Variants in SLC36A1 observed in about 807,000 individuals in gnomAD.
SLC36A1 encodes solute carrier family 36 member 1.
SLC36A1 carries 30 observed loss-of-function variants against 47.5 expected under a neutral mutation model. The observed-to-expected ratio is 0.63, with a 90% CI of 0.47 to 0.86. The LOEUF is 0.86. Among genes scored for constraint, SLC36A1 ranks in the 40% least tolerant of loss-of-function variants. The pLI is 0.00. For missense variants in SLC36A1, 517 were observed against 606.0 expected (o/e 0.85, Z 1.54); for synonymous variants, 255 against 249.7 (o/e 1.02, Z -0.20).
the SLC36A1 span, among the ~76,000 whole-genome samples, chr5:151,382,936 A>G: frequency 6.6e-6 from 1 of 152,152 alleles, no homozygotes; most frequent in African/African-American, 2.4e-5. Context: ...GCTGCCTCTA[A>G]AACTAGGAAT....
the SLC36A1 span, among the ~76,000 whole-genome samples, chr5:151,349,024 T>C: frequency 6.6e-6 from 1 of 152,202 alleles, no homozygotes; most frequent in African/African-American, 2.4e-5. Context: ...ATGGCAGTAT[T>C]ACTGGTCTGT....
the SLC36A1 span, among the ~76,000 whole-genome samples, chr5:151,515,006 C>T: frequency 6.6e-6 from 1 of 152,154 alleles, no homozygotes; most frequent in Non-Finnish European, 1.5e-5. Context: ...GTTGTCTTCA[C>T]CTCAGTTTTC....
upstream of SLC36A1, among the ~76,000 whole-genome samples, chr5:151,446,722 A>G (rs1321057193): frequency 6.6e-6 from 1 of 152,202 alleles, no homozygotes; most frequent in East Asian, 1.9e-4. Context: ...CAAGTGTGTT[A>G]GAGAAAAAAT....
At chr5:151,363,553 C>A in the SLC36A1 span, among the ~76,000 whole-genome samples, 1 of 152,220 alleles carries the variant, frequency 6.6e-6, no homozygotes, top group South Asian at 2.1e-4. Context: ...TGCTTCAACA[C>A]CACCATTTTG....
chr5:151,544,976 C>T, the SLC36A1 span: 3 of 1,614,122 alleles, frequency 1.9e-6, no homozygotes, highest in South Asian at 2.2e-5. Flanking sequence ...CCCTGAGCCA[C>T]CCGCTGAGGT....
At chr5:151,445,410 T>G (rs957292877), upstream of SLC36A1, among the ~76,000 whole-genome samples, 1 of 152,240 alleles carries the variant, frequency 6.6e-6, no homozygotes, top group African/African-American at 2.4e-5. Flanking sequence ...TTTGTACCAA[T>G]GTGCATTAGC....
the SLC36A1 span, among the ~76,000 whole-genome samples, chr5:151,373,408 A>G: frequency 6.6e-6 from 1 of 152,248 alleles, no homozygotes; most frequent in Non-Finnish European, 1.5e-5. Flanking sequence ...GCCAAGGGAA[A>G]AAGACATTTA....
chr5:151,386,693 G>A, the SLC36A1 span, among the ~76,000 whole-genome samples: 1 of 152,174 alleles, frequency 6.6e-6, no homozygotes, highest in East Asian at 1.9e-4. Context: ...TGCGTCTTGA[G>A]CATTGCACTC....
At chr5:151,468,702 C>T (rs890723116) in intron 7 of SLC36A1, among the ~76,000 whole-genome samples, 8 of 151,664 alleles carry the variant, frequency 5.3e-5, no homozygotes, top group African/African-American at 7.3e-5. Context: ...GGGGCAAAAT[C>T]GCCCCCCCAC....
the SLC36A1 span, among the ~76,000 whole-genome samples, chr5:151,383,292 ACTG>A: frequency 6.6e-6 from 1 of 152,142 alleles, no homozygotes; most frequent in Non-Finnish European, 1.5e-5. Context: ...ACAGCAGATC[ACTG>A]TTTCCAGGCC....
At chr5:151,453,277 G>T (rs920451280) in intron 1 of SLC36A1, among the ~76,000 whole-genome samples, 1 of 151,602 alleles carries the variant, frequency 6.6e-6, no homozygotes, top group African/African-American at 2.4e-5. Context: ...GTTGGGCCCA[G>T]AAATCTATTT....
At chr5:151,499,147 C>T in the SLC36A1 span, among the ~76,000 whole-genome samples, 3 of 152,320 alleles carry the variant, frequency 2.0e-5, no homozygotes, top group South Asian at 2.1e-4. Flanking sequence ...TAACCAGGCA[C>T]CTTTCTTGGT....
chr5:151,487,501 C>T (rs956226782), intron 10 of SLC36A1, among the ~76,000 whole-genome samples: 3 of 152,122 alleles, frequency 2.0e-5, no homozygotes, highest in Admixed American at 6.5e-5. Flanking sequence ...GGTTTTATCA[C>T]GGTGTCTTTC....
At chr5:151,447,420 G>A (rs1297534350), upstream of SLC36A1, among the ~76,000 whole-genome samples, 1 of 152,336 alleles carries the variant, frequency 6.6e-6, no homozygotes, top group East Asian at 1.9e-4. Context: ...CAAGATCAAT[G>A]CCCTGTTCAG....
chr5:151,398,201 C>A, the SLC36A1 span, among the ~76,000 whole-genome samples: 1 of 152,186 alleles, frequency 6.6e-6, no homozygotes, highest in Admixed American at 6.5e-5. Context: ...TCACCCTCTA[C>A]CTCTGCCTCC....
the SLC36A1 span, among the ~76,000 whole-genome samples, chr5:151,386,183 T>C: frequency 6.6e-6 from 1 of 152,084 alleles, no homozygotes; most frequent in Non-Finnish European, 1.5e-5. Context: ...CGGCCCCTTC[T>C]GTATCTTTTT....
the SLC36A1 span, among the ~76,000 whole-genome samples, chr5:151,410,087 G>A: frequency 6.6e-6 from 1 of 152,202 alleles, no homozygotes; most frequent in Admixed American, 6.5e-5. Flanking sequence ...TGGGAAAATT[G>A]AGGCACAGAG....
the SLC36A1 span, among the ~76,000 whole-genome samples, chr5:151,524,903 C>A: frequency 6.6e-6 from 1 of 152,190 alleles, no homozygotes; most frequent in East Asian, 1.9e-4. Context: ...AATGTGTGTC[C>A]CCCTGTCTTA....
the SLC36A1 span, among the ~76,000 whole-genome samples, chr5:151,369,064 G>A: frequency 6.6e-6 from 1 of 152,216 alleles, no homozygotes; most frequent in Non-Finnish European, 1.5e-5. Context: ...TAAGAGAAGA[G>A]TGACTGATCT....
Sources: gnomAD v4.1 joint callset for allele counts (sites outside exome capture counted in the v4.1 genomes callset) on GRCh38, gnomAD v4.1.1 for gene constraint, MANE v1.5 for transcripts, NCBI Gene and HGNC (gene_info 2026-07-23, HGNC 2026-07-21) for gene names.